The following EPHA3 variants were observed in gnomAD, a reference collection of about 807,000 sequenced individuals.
EPHA3 encodes the protein ephrin type-A receptor 3.
A neutral mutation model predicts 107.1 loss-of-function variants in EPHA3; 42 were observed. The ratio of observed to expected loss-of-function variants is 0.39; its 90% confidence interval spans 0.31 to 0.51. The LOEUF (loss-of-function observed/expected upper bound fraction) is 0.51, where lower values mean the gene tolerates loss of function less well. Among genes scored for constraint, EPHA3 ranks in the 20% least tolerant of loss-of-function variants. The pLI is 0.78. For missense variants in EPHA3, 1,183 were observed against 1,211.2 expected (o/e 0.98, Z 0.35); for synonymous variants, 461 against 424.8 (o/e 1.09, Z -1.05).
intron 13 of EPHA3, among the ~76,000 whole-genome samples, chr3:89,443,491 T>G (rs1311901161): frequency 6.6e-6 from 1 of 152,188 alleles, no homozygotes; most frequent in Non-Finnish European, 1.5e-5. Flanking sequence ...ATTATGTTTA[T>G]ATTGGCTCAT....
Position 89,219,688 on chromosome 3 carries a change from G to GTGTTTTTTTTTT in EPHA3, c.814+9169_814+9170insGTTTTTTTTTTT. Among the ~76,000 whole-genome samples, 140 of 34,430 alleles carry GTGTTTTTTTTTT rather than the reference G, an allele frequency of 4.1e-3. 49 individuals are homozygous for GTGTTTTTTTTTT. The highest frequency in any genetic ancestry group is 5.6e-3 in the Non-Finnish European group (108 of 19,116). 22.6% of individuals were successfully genotyped at this position (34,430 alleles called of 152,430 possible). On this transcript the variant is annotated intron_variant, in intron 3 of 16. Coordinates refer to ENST00000336596, the MANE Select transcript of EPHA3 (RefSeq NM_005233.6). ...TTACCTCCAAGAGGCATTTGGCAAT[G>GTGTTTTTTTTTT]TTTTTTTTTTTTTTGTTTTTTGTTT...
At chr3:89,270,888 T>G (rs914064235) in intron 3 of EPHA3, among the ~76,000 whole-genome samples, 3 of 152,046 alleles carry the variant, frequency 2.0e-5, no homozygotes, top group Admixed American at 1.3e-4. Context: ...AGAAAAAATA[T>G]ATTTGCTGTT....
intron 2 of EPHA3, among the ~76,000 whole-genome samples, chr3:89,130,518 A>C (rs372354273): frequency 6.6e-6 from 1 of 152,072 alleles, no homozygotes; most frequent in Non-Finnish European, 1.5e-5. Context: ...TCATTCCTAC[A>C]TATAATTTCT....
intron 2 of EPHA3, among the ~76,000 whole-genome samples, chr3:89,132,447 G>A (rs988819415): frequency 7.9e-5 from 12 of 152,128 alleles, no homozygotes; most frequent in Non-Finnish European, 1.0e-4. Context: ...TTTCCAGATT[G>A]TCTTTTTTGG....
At chr3:89,149,485 T>G (rs560609184) in intron 2 of EPHA3, among the ~76,000 whole-genome samples, 6 of 152,072 alleles carry the variant, frequency 3.9e-5, no homozygotes, top group South Asian at 2.1e-4. Context: ...TAGAATAATC[T>G]TTTTTTATTA....
chr3:89,369,794 T>C (rs970878338), intron 5 of EPHA3, among the ~76,000 whole-genome samples: 14 of 148,732 alleles, frequency 9.4e-5, no homozygotes, highest in Middle Eastern at 3.4e-3. Flanking sequence ...TACAATGAAC[T>C]CAAACAAATT....
chr3:89,205,382 G>C (rs1289138161), intron 2 of EPHA3, among the ~76,000 whole-genome samples: 1 of 152,114 alleles, frequency 6.6e-6, no homozygotes, highest in Admixed American at 6.6e-5. Context: ...TCAGTGACAA[G>C]GAACTGTGCT....
intron 5 of EPHA3, among the ~76,000 whole-genome samples, chr3:89,350,083 T>C (rs371841321): frequency 1.3e-5 from 2 of 150,774 alleles, no homozygotes; most frequent in African/African-American, 4.9e-5. Context: ...GTGAATCTGA[T>C]AATTATGTGT....
chr3:89,460,573 T>C (rs1302603888), intron 15 of EPHA3, among the ~76,000 whole-genome samples: 1 of 149,778 alleles, frequency 6.7e-6, no homozygotes, highest in Non-Finnish European at 1.5e-5. Context: ...TAAACAAGTA[T>C]TAGTAAAAAG....
chr3:89,312,317 T>G (rs1706782655), intron 3 of EPHA3, among the ~76,000 whole-genome samples: 1 of 151,684 alleles, frequency 6.6e-6, no homozygotes, highest in Non-Finnish European at 1.5e-5. Context: ...AAGACGTTTT[T>G]TAGAGAAAGC....
chr3:89,189,872 C>T (rs1275481818), intron 2 of EPHA3, among the ~76,000 whole-genome samples: 2 of 152,080 alleles, frequency 1.3e-5, no homozygotes, highest in African/African-American at 2.4e-5. Context: ...ATTATTAGTA[C>T]GTCTTCCTTT....
chr3:89,148,036 T>C (rs1704606127), intron 2 of EPHA3, among the ~76,000 whole-genome samples: 1 of 151,890 alleles, frequency 6.6e-6, no homozygotes, highest in South Asian at 2.1e-4. Context: ...GATGTTATAT[T>C]CTAGAAGTAT....
intron 3 of EPHA3, among the ~76,000 whole-genome samples, chr3:89,293,189 A>T (rs1397903408): frequency 6.6e-6 from 1 of 151,878 alleles, no homozygotes. Context: ...TTGAGCGGGG[A>T]GATTATTTTT....
At chr3:89,163,067 G>A (rs1447812750) in intron 2 of EPHA3, among the ~76,000 whole-genome samples, 1 of 152,096 alleles carries the variant, frequency 6.6e-6, no homozygotes, top group African/African-American at 2.4e-5. Context: ...ATTTTAGCAT[G>A]AGCAAAATAA....
At chr3:89,345,619 CTTT>C (rs1219671631) in intron 5 of EPHA3, among the ~76,000 whole-genome samples, 1 of 118,034 alleles carries the variant, frequency 8.5e-6, no homozygotes, top group African/African-American at 3.2e-5. Context: ...TTTTTTTTTT[CTTT>C]TTTTTTTTTA....
At chr3:89,152,071 C>T (rs183239804) in intron 2 of EPHA3, among the ~76,000 whole-genome samples, 11 of 152,142 alleles carry the variant, frequency 7.2e-5, no homozygotes, top group Admixed American at 2.0e-4. Context: ...TGAGATTATT[C>T]AGTGCATATG....
At chr3:89,197,959 G>A (rs975101238) in intron 2 of EPHA3, among the ~76,000 whole-genome samples, 5 of 152,114 alleles carry the variant, frequency 3.3e-5, no homozygotes, top group Admixed American at 2.0e-4. Flanking sequence ...CTGGGTGACA[G>A]AGCAAGACCC....
At chr3:89,297,518 A>G (rs1706384421) in intron 3 of EPHA3, among the ~76,000 whole-genome samples, 1 of 152,180 alleles carries the variant, frequency 6.6e-6, no homozygotes, top group South Asian at 2.1e-4. Flanking sequence ...ACAATTACAA[A>G]AAGGAACATC....
At chr3:89,115,186 A>C (rs552116201) in intron 1 of EPHA3, among the ~76,000 whole-genome samples, 1 of 151,096 alleles carries the variant, frequency 6.6e-6, no homozygotes, top group South Asian at 2.1e-4. Flanking sequence ...TCCCTTTACT[A>C]TTTCTTCATC....
Sources: allele counts gnomAD v4.1 joint callset (sites outside exome capture counted in the v4.1 genomes callset), GRCh38; gene constraint gnomAD v4.1.1; transcripts MANE v1.5; gene names NCBI Gene and HGNC (gene_info 2026-07-23, HGNC 2026-07-21).